Variants in C8orf89 observed in about 807,000 individuals in gnomAD.
C8orf89 encodes chromosome 8 open reading frame 89, also known as putative uncharacterized protein C8orf89.
A neutral mutation model predicts 15.8 loss-of-function variants in C8orf89; 14 were observed. That is an observed-to-expected ratio of 0.89 (90% CI 0.59 to 1.39). The LOEUF is 1.39. Among genes scored for constraint, C8orf89 ranks in the 40% most tolerant of loss-of-function variants. C8orf89 has a pLI of 0.00. For missense variants in C8orf89, 181 were observed against 184.5 expected (o/e 0.98, Z 0.11); for synonymous variants, 55 against 62.2 (o/e 0.88, Z 0.54).
chr8:73,243,455 A>C (rs1483200897), intron 3 of C8orf89, among the ~76,000 whole-genome samples: 1 of 152,194 alleles, frequency 6.6e-6, no homozygotes, highest in Non-Finnish European at 1.5e-5. Context: ...TACCCAGAAA[A>C]TTAAAAAAAC....
At chr8:73,285,709 G>A in the C8orf89 span, among the ~76,000 whole-genome samples, 6 of 152,328 alleles carry the variant, frequency 3.9e-5, no homozygotes, top group East Asian at 1.2e-3. Context: ...CTGGGGCAGC[G>A]GGCACAGCGG....
intron 3 of C8orf89, among the ~76,000 whole-genome samples, chr8:73,243,284 T>C (rs1037802395): frequency 4.6e-5 from 7 of 152,192 alleles, no homozygotes; most frequent in African/African-American, 7.2e-5. Flanking sequence ...GATCTAATCG[T>C]ATATTTAAAA....
At chr8:73,277,624 T>C in the C8orf89 span, 129 of 761,730 alleles carry the variant, frequency 1.7e-4, 1 homozygote, top group Admixed American at 4.0e-4. Context: ...TTGTGGACCA[T>C]AGAACTTTTT....
At chr8:73,250,357 A>T (rs1563531066) in intron 2 of C8orf89, 34 bp from the exon 3 acceptor site, 3 of 1,282,446 alleles carry the variant, frequency 2.3e-6, no homozygotes, top group Non-Finnish European at 2.2e-6. Flanking sequence ...AATTACTTAC[A>T]TATAAATTCA....
the C8orf89 span, among the ~76,000 whole-genome samples, chr8:73,279,614 CCA>C: frequency 6.6e-6 from 1 of 152,072 alleles, no homozygotes; most frequent in Non-Finnish European, 1.5e-5. Flanking sequence ...ATATGCAGTC[CCA>C]CATGCTCTTC....
chr8:73,244,160 GTTCAC>G (rs144323095), intron 3 of C8orf89, among the ~76,000 whole-genome samples: 1,643 of 152,196 alleles, frequency 0.011, 37 homozygotes, highest in African/African-American at 0.037. Context: ...AAATAAAATC[GTTCAC>G]TTAACTGAAA....
chr8:73,242,942 G>A (rs1452923800), intron 3 of C8orf89, among the ~76,000 whole-genome samples: 3 of 152,016 alleles, frequency 2.0e-5, no homozygotes, highest in Non-Finnish European at 4.4e-5. Context: ...AAGAAAATGT[G>A]GTACATATAC....
chr8:73,256,878 A>C (rs1813403582), intron 2 of C8orf89, 95 bp downstream of exon 2: 2 of 803,826 alleles, frequency 2.5e-6, no homozygotes, highest in South Asian at 8.6e-5. Flanking sequence ...ACAGGCAAAA[A>C]TGAATGCAAT....
chr8:73,261,112 T>C (rs10103160), upstream of C8orf89, among the ~76,000 whole-genome samples: 4,550 of 152,260 alleles, frequency 0.03, 211 homozygotes, highest in African/African-American at 0.1. Context: ...TTTTGGGAAT[T>C]AGACTGGCTT....
the C8orf89 span, among the ~76,000 whole-genome samples, chr8:73,276,564 C>A: frequency 6.6e-6 from 1 of 152,090 alleles, no homozygotes; most frequent in African/African-American, 2.4e-5. Flanking sequence ...GACAATGAAA[C>A]AAGACATTTC....
At chr8:73,262,303 C>T (rs1037086344), upstream of C8orf89, among the ~76,000 whole-genome samples, 1 of 152,152 alleles carries the variant, frequency 6.6e-6, no homozygotes, top group Non-Finnish European at 1.5e-5. Context: ...AAATGCCTCA[C>T]ACCCTCCAGC....
chr8:73,257,267 A>C (rs1307001511), intron 1 of C8orf89, 141 bp from the exon 2 acceptor site: 3 of 583,084 alleles, frequency 5.1e-6, no homozygotes, highest in Non-Finnish European at 8.7e-6. Context: ...CTTTCCCAAG[A>C]GAATGGCTTT....
chr8:73,261,481 G>A (rs866318519), upstream of C8orf89, among the ~76,000 whole-genome samples: 2 of 151,890 alleles, frequency 1.3e-5, no homozygotes, highest in African/African-American at 2.4e-5. Context: ...AGAGAGGAGG[G>A]GGAGACCCAA....
At chr8:73,280,720 C>T in the C8orf89 span, among the ~76,000 whole-genome samples, 6 of 149,160 alleles carry the variant, frequency 4.0e-5, no homozygotes, top group Non-Finnish European at 9.0e-5. Flanking sequence ...TATATATACA[C>T]ATATATATAC....
At chr8:73,285,810 G>A in the C8orf89 span, among the ~76,000 whole-genome samples, 2 of 152,204 alleles carry the variant, frequency 1.3e-5, no homozygotes, top group Non-Finnish European at 2.9e-5. Context: ...GTCGGGGCGG[G>A]ACAGGTGATG....
chr8:73,242,795 C>G (rs1813033685), intron 3 of C8orf89, among the ~76,000 whole-genome samples: 1 of 152,166 alleles, frequency 6.6e-6, no homozygotes, highest in African/African-American at 2.4e-5. Context: ...CCAGGAATCC[C>G]ATTGCTAGAC....
the C8orf89 span, among the ~76,000 whole-genome samples, chr8:73,272,254 T>C: frequency 6.6e-6 from 1 of 152,114 alleles, no homozygotes. Context: ...TTTTCCTTTC[T>C]CCTCTCTCCC....
In C8orf89 at chr8:73,257,045, T is replaced by C. The variant is rs1813410618; in HGVS notation, c.209A>G (p.Lys70Arg). Residue 70 changes from lysine to arginine, a missense_variant, in exon 2 of 4, where the codon AAA becomes AGA. Transcript: ENST00000624510. ...PYLPGLQSCQ[K>R]SVSSTPLEVP... Reference sequence around the variant, plus strand: ...CTCTAGTGGAGTTGAACTTACACTTTTTTGGCAACTTTGCAGTCCTGGTAA... The same window carrying C: ...CTCTAGTGGAGTTGAACTTACACTTCTTTGGCAACTTTGCAGTCCTGGTAA... The C allele has an allele frequency of 6.5e-7, 1 of 1,535,944 alleles. No homozygotes were observed. Among genetic ancestry groups the C allele is most frequent in the African/African-American group, 1.4e-5 (1 of 73,158 alleles).
chr8:73,253,081 C>T (rs1175409962), intron 2 of C8orf89, among the ~76,000 whole-genome samples: 2 of 152,272 alleles, frequency 1.3e-5, no homozygotes, highest in African/African-American at 2.4e-5. Context: ...AGGCGGAGCT[C>T]CCAGCGAGCC....
Sources: allele counts gnomAD v4.1 joint callset (sites outside exome capture counted in the v4.1 genomes callset), GRCh38; gene constraint gnomAD v4.1.1; transcripts MANE v1.5; gene names NCBI Gene and HGNC (gene_info 2026-07-23, HGNC 2026-07-21).